The following KCNAB1 variants were observed in gnomAD, a reference collection of about 807,000 sequenced individuals.
KCNAB1 encodes potassium voltage-gated channel subfamily A regulatory beta subunit 1, also known as voltage-gated potassium channel subunit beta-1.
KCNAB1 carries 35 observed loss-of-function variants against 64.6 expected under a neutral mutation model. The observed-to-expected ratio is 0.54, with a 90% CI of 0.41 to 0.72. KCNAB1 has a LOEUF of 0.72. Ranked by LOEUF, KCNAB1 falls within the 30% of genes least tolerant of loss-of-function variation. The probability of loss-of-function intolerance (pLI) is 0.00; values close to 1 mark genes in which losing one functional copy is unlikely to be tolerated. For synonymous variants in KCNAB1, 177 were observed against 183.8 expected, an observed-to-expected ratio of 0.96 and a Z score of 0.30; for missense variants, 401 against 512.9, an observed-to-expected ratio of 0.78 and a Z score of 2.11.
intron 5 of KCNAB1, chr3:156,460,314 T>A (rs1395475450): frequency 6.2e-6 from 1 of 160,582 alleles, no homozygotes; most frequent in Non-Finnish European, 1.4e-5. Context: ...ACCCCAAAGC[T>A]TTCTTATCTG....
intron 1 of KCNAB1, among the ~76,000 whole-genome samples, chr3:156,312,219 G>A (rs540374750): frequency 6.6e-6 from 1 of 152,310 alleles, no homozygotes; most frequent in South Asian, 2.1e-4. Flanking sequence ...CAGGTATTGT[G>A]ACTATATTAA....
At chr3:156,502,537 C>A (rs1226428982) in intron 8 of KCNAB1, among the ~76,000 whole-genome samples, 2 of 39,066 alleles carry the variant, frequency 5.1e-5, no homozygotes, top group African/African-American at 1.9e-4. Context: ...TACAACCACA[C>A]ACACACACAC....
chr3:156,395,461 C>T (rs1481235208), intron 1 of KCNAB1, among the ~76,000 whole-genome samples: 4 of 136,016 alleles, frequency 2.9e-5, no homozygotes, highest in Non-Finnish European at 4.6e-5. Context: ...AGGAGAATGG[C>T]GTGAACCAGG....
At chr3:156,284,793 C>G (rs1270339257) in intron 1 of KCNAB1, among the ~76,000 whole-genome samples, 1 of 152,222 alleles carries the variant, frequency 6.6e-6, no homozygotes, top group Non-Finnish European at 1.5e-5. Flanking sequence ...CTTGTGCTTC[C>G]CAAGTGAGGC....
At chr3:156,185,997 T>G (rs1391889) in intron 1 of KCNAB1, among the ~76,000 whole-genome samples, 83,683 of 152,022 alleles carry the variant, frequency 0.55, 23,986 homozygotes, top group East Asian at 0.9. Context: ...GCCTTGCAAA[T>G]CCCAAGTTTG....
intron 1 of KCNAB1, among the ~76,000 whole-genome samples, chr3:156,241,187 T>G (rs968559902): frequency 5.3e-5 from 8 of 152,250 alleles, no homozygotes; most frequent in African/African-American, 1.9e-4. Flanking sequence ...GAAGACAAAC[T>G]TATAATGCAT....
chr3:156,305,299 G>C (rs935675465), intron 1 of KCNAB1, among the ~76,000 whole-genome samples: 1 of 152,122 alleles, frequency 6.6e-6, no homozygotes, highest in Admixed American at 6.6e-5. Context: ...TATGTGCATG[G>C]CTTCAAAATA....
At chr3:156,413,782 C>G (rs1470798296) in intron 1 of KCNAB1, among the ~76,000 whole-genome samples, 2 of 152,146 alleles carry the variant, frequency 1.3e-5, no homozygotes, top group African/African-American at 4.8e-5. Flanking sequence ...CTGTTATGCA[C>G]CCAGCACTGT....
rs563566441 is a variant in KCNAB1 at position 156,165,012 on chromosome 3, T to C, written c.275+44126T>C. On this transcript the variant is annotated intron_variant, in intron 1 of 13. Transcript: ENST00000490337. ...AAGCAAATAGGCCGGGCGCGGTGGC[T>C]CAACGCCTGTAATCCCAGCACTTTG... Among the ~76,000 whole-genome samples the C allele has an allele frequency of 1.4e-3, 208 of 152,140 alleles. 1 individual carries two copies. The highest frequency in any genetic ancestry group is 4.8e-3 in the African/African-American group (200 of 41,520).
chr3:156,465,576 C>T (rs1713305549), intron 6 of KCNAB1, 67 bp from the exon 7 acceptor site: 1 of 1,431,712 alleles, frequency 7.0e-7, no homozygotes, highest in African/African-American at 1.4e-5. Flanking sequence ...GCAATTCAGA[C>T]CAGAGATTTA....
intron 8 of KCNAB1, among the ~76,000 whole-genome samples, chr3:156,491,199 G>A (rs890902411): frequency 6.6e-6 from 1 of 152,060 alleles, no homozygotes; most frequent in African/African-American, 2.4e-5. Context: ...GGAAGCCATG[G>A]GATCCAATTC....
chr3:156,435,209 G>C (rs1375165857), intron 2 of KCNAB1, among the ~76,000 whole-genome samples: 1 of 152,218 alleles, frequency 6.6e-6, no homozygotes, highest in Non-Finnish European at 1.5e-5. Flanking sequence ...AGTAGATATG[G>C]CAAGAAGTAG....
chr3:156,372,785 T>C lies in KCNAB1; in HGVS notation c.276-48831T>C, dbSNP rs116113226. On this transcript the variant is annotated intron_variant, in intron 1 of 13. Coordinates refer to ENST00000490337, the MANE Select transcript of KCNAB1 (RefSeq NM_172160.3). ...TGGTATAGCCAGAATATACAATGCC[T>C]TGGGGTTAGGGAATGCCAAGGTGAG... is the stretch of plus-strand genomic sequence containing the variant. Among the ~76,000 whole-genome samples, 1,191 of 152,334 alleles carry C rather than the reference T, an allele frequency of 7.8e-3. 18 individuals are homozygous for C. Among genetic ancestry groups the C allele is most frequent in the African/African-American group, 0.027 (1,133 of 41,582 alleles).
At chr3:156,453,073 A>G (rs1576885669) in intron 3 of KCNAB1, 137 bp downstream of exon 3, 1 of 546,882 alleles carries the variant, frequency 1.8e-6, no homozygotes, top group East Asian at 2.9e-5. Flanking sequence ...ATTGACTCAG[A>G]GATTATTGTT....
In KCNAB1 at chr3:156,152,476, C is replaced by T. The variant is rs1471050607; in HGVS notation, c.275+31590C>T. Among the ~76,000 whole-genome samples the T allele has an allele frequency of 2.6e-5, 4 of 152,170 alleles. No individual in the cohort carries two copies. The East Asian group carries it at 7.7e-4, about 29-fold the overall frequency. On this transcript the variant is annotated intron_variant, in intron 1 of 13. Coordinates refer to ENST00000490337, the MANE Select transcript of KCNAB1 (RefSeq NM_172160.3). ...TTCTGGCCTTAGCTTCTGGTGAACC[C>T]ACTGTGGGAGGGGTGGGAGCTTTCA...
intron 1 of KCNAB1, among the ~76,000 whole-genome samples, chr3:156,416,135 G>A (rs926078340): frequency 4.5e-4 from 68 of 152,086 alleles, no homozygotes; most frequent in African/African-American, 1.5e-3. Context: ...CACTAAATCC[G>A]ATTTCAAGGT....
chr3:156,256,226 A>G (rs1718092085), intron 1 of KCNAB1, among the ~76,000 whole-genome samples: 1 of 152,268 alleles, frequency 6.6e-6, no homozygotes, highest in Non-Finnish European at 1.5e-5. Flanking sequence ...AATCTTAAAT[A>G]TAAGACAATG....
chr3:156,250,761 C>CAAGACTCCATCTCAAAA (rs1717785331), intron 1 of KCNAB1, among the ~76,000 whole-genome samples: 1 of 152,142 alleles, frequency 6.6e-6, no homozygotes, highest in African/African-American at 2.4e-5. Context: ...GCTAGATGAG[C>CAAGACTCCATCTCAAAA]TAAAACACCC....
At chr3:156,260,545 C>T (rs934752606) in intron 1 of KCNAB1, among the ~76,000 whole-genome samples, 5 of 152,016 alleles carry the variant, frequency 3.3e-5, no homozygotes, top group Non-Finnish European at 5.9e-5. Context: ...TTGTCTAGCT[C>T]CTTTCACTTA....
Sources: allele counts gnomAD v4.1 joint callset (sites outside exome capture counted in the v4.1 genomes callset), GRCh38; gene constraint gnomAD v4.1.1; transcripts MANE v1.5; gene names NCBI Gene and HGNC (gene_info 2026-07-23, HGNC 2026-07-21).